The following AQR variants were observed in gnomAD, a reference collection of about 807,000 sequenced individuals.
AQR encodes RNA helicase aquarius.
In AQR, 61 loss-of-function variants were observed where a neutral mutation model predicts 180.5. The ratio of observed to expected loss-of-function variants is 0.34; its 90% CI spans 0.28 to 0.42. AQR has a LOEUF of 0.42. Among genes scored for constraint, AQR ranks in the 10% least tolerant of loss-of-function variants. The probability of loss-of-function intolerance (pLI) is 1.00; values close to 1 mark genes in which losing one functional copy is unlikely to be tolerated. For synonymous variants in AQR, 551 were observed against 588.8 expected, an observed-to-expected ratio of 0.94 and a Z score of 0.93; for missense variants, 1,281 against 1,798.3, an observed-to-expected ratio of 0.71 and a Z score of 5.20.
At chr15:34,968,875 T>C (rs1414716160) in intron 1 of AQR, among the ~76,000 whole-genome samples, 1 of 152,142 alleles carries the variant, frequency 6.6e-6, no homozygotes, top group Non-Finnish European at 1.5e-5. Flanking sequence ...AAGAAGCAGG[T>C]GGGCATGATA....
intron 6 of AQR, among the ~76,000 whole-genome samples, 164 bp from the exon 7 acceptor site, chr15:34,942,244 C>T (rs1894034361): frequency 6.6e-6 from 1 of 152,000 alleles, no homozygotes; most frequent in African/African-American, 2.4e-5. Context: ...TTAAAAAAGA[C>T]TCCATCCTTA....
chr15:34,905,184 C>G (rs1213977553), intron 18 of AQR, among the ~76,000 whole-genome samples: 1 of 151,832 alleles, frequency 6.6e-6, no homozygotes, highest in East Asian at 1.9e-4. Flanking sequence ...TTTTCCATTC[C>G]CTTCTCCTAT....
chr15:34,885,855 T>C (rs1209498219), intron 25 of AQR, among the ~76,000 whole-genome samples: 2 of 152,194 alleles, frequency 1.3e-5, no homozygotes, highest in Admixed American at 6.5e-5. Context: ...ATCTAAAATA[T>C]ACAATTGGCA....
chr15:34,954,432 A>G (rs1894277769), intron 3 of AQR, among the ~76,000 whole-genome samples: 1 of 152,088 alleles, frequency 6.6e-6, no homozygotes, highest in South Asian at 2.1e-4. Flanking sequence ...CAGCCTCTCA[A>G]GTAGCTGAGA....
At position 34,894,995 on chromosome 15, in the gene AQR, T is replaced by A. The variant is rs1230578098; in HGVS notation, c.2461-1222A>T. On this transcript the variant is annotated intron_variant, in intron 22 of 34. Coordinates refer to ENST00000156471, the MANE Select transcript of AQR (RefSeq NM_014691.3). ...GCCTGGCCAACACAGTGAAACCCAA[T>A]TCTCTACTAAAAATACAAAAATATC... 2.0e-5 allele frequency among the ~76,000 whole-genome samples: 3 copies of A among 149,758 alleles called. No individual in the cohort carries two copies. The East Asian group carries it at 5.9e-4, about 30-fold the overall frequency.
chr15:34,890,199 A>C lies in AQR; in HGVS notation c.2681+16T>G, dbSNP rs984714563. ...AAAATCCTTTTTTACACTGTTACTCACTCCCATTTGCTCACCTGCTGAAAT... is the reference window on the plus strand; with the variant it reads ...AAAATCCTTTTTTACACTGTTACTCCCTCCCATTTGCTCACCTGCTGAAAT... On this transcript the variant is annotated intron_variant, in intron 24 of 34. Transcript: ENST00000156471. The C allele has an allele frequency of 1.3e-6, 2 of 1,596,936 alleles. No individual in the cohort carries two copies.
chr15:34,867,445 G>A (rs905235325), intron 32 of AQR, 79 bp downstream of exon 32: 33 of 1,246,122 alleles, frequency 2.6e-5, no homozygotes, highest in Non-Finnish European at 3.6e-5. Flanking sequence ...AAAATATTTA[G>A]AACACTTAGC....
At chr15:34,958,293 C>T (rs1404016591) in intron 3 of AQR, among the ~76,000 whole-genome samples, 1 of 152,194 alleles carries the variant, frequency 6.6e-6, no homozygotes, top group East Asian at 1.9e-4. Context: ...AGTGGGCAGA[C>T]TGCTTGAGCT....
At chr15:34,896,106 A>T (rs1349152029) in intron 22 of AQR, among the ~76,000 whole-genome samples, 1 of 152,220 alleles carries the variant, frequency 6.6e-6, no homozygotes, top group Non-Finnish European at 1.5e-5. Context: ...CACACTTCTA[A>T]ATCAGTTGTC....
intron 26 of AQR, 121 bp downstream of exon 26, chr15:34,884,404 T>C: frequency 1.1e-6 from 1 of 913,520 alleles, no homozygotes; most frequent in Non-Finnish European, 1.6e-6. Context: ...AGACTCCGTC[T>C]CAAAAAAAAA....
chr15:34,958,231 G>C (rs1262128547), intron 3 of AQR, among the ~76,000 whole-genome samples: 2 of 151,946 alleles, frequency 1.3e-5, no homozygotes, highest in East Asian at 3.9e-4. Flanking sequence ...AATAACGGTA[G>C]GGGCTGGGTG....
intron 19 of AQR, among the ~76,000 whole-genome samples, chr15:34,903,347 G>T (rs1262366708): frequency 1.3e-5 from 2 of 152,034 alleles, no homozygotes; most frequent in African/African-American, 4.8e-5. Flanking sequence ...TTAAGTGGGG[G>T]TATCAAATCA....
At chr15:34,897,431 G>T in intron 21 of AQR, 128 bp downstream of exon 21, 1 of 1,077,116 alleles carries the variant, frequency 9.3e-7, no homozygotes, top group Non-Finnish European at 1.3e-6. Context: ...AGAATAGAAA[G>T]AAAGAGGGTT....
At chr15:34,941,567 T>C (rs1303465303) in intron 7 of AQR, among the ~76,000 whole-genome samples, 1 of 152,174 alleles carries the variant, frequency 6.6e-6, no homozygotes, top group Non-Finnish European at 1.5e-5. Flanking sequence ...AATCTGATAG[T>C]TTTAACTAAA....
rs1892568598 is a variant in AQR, at chr15:34,854,995, C to A, written c.*1797G>T. On this transcript the variant is annotated 3_prime_UTR_variant, in exon 35 of 35. Coordinates refer to ENST00000156471, the MANE Select transcript of AQR (RefSeq NM_014691.3). ...CGATTCCCCATACAGATGCCCACAGCACCTGCTTTCAAAATCTTTTATCGG... is the reference window on the plus strand; with the variant it reads ...CGATTCCCCATACAGATGCCCACAGAACCTGCTTTCAAAATCTTTTATCGG... The A allele has an allele frequency of 1.3e-5, 2 of 152,338 alleles. No homozygotes were observed. The highest frequency in any genetic ancestry group is 3.9e-4 in the East Asian group (2 of 5,184). The allele number at this position is 152,338 out of a possible 1,614,324, so 9.4% of individuals were successfully genotyped here.
At chr15:34,932,535 G>C in intron 10 of AQR, 101 bp from the exon 11 acceptor site, 1 of 837,870 alleles carries the variant, frequency 1.2e-6, no homozygotes, top group East Asian at 2.6e-5. Context: ...TCACATACAA[G>C]GTACCCTCCA....
At chr15:34,919,600 A>G (rs534732082) in intron 14 of AQR, among the ~76,000 whole-genome samples, 1 of 152,304 alleles carries the variant, frequency 6.6e-6, no homozygotes, top group African/African-American at 2.4e-5. Flanking sequence ...TTCCATTAGA[A>G]GAATTCCTGA....
intron 3 of AQR, 129 bp downstream of exon 3, chr15:34,960,645 G>A (rs2050271101): frequency 4.1e-6 from 2 of 490,902 alleles, no homozygotes; most frequent in African/African-American, 4.2e-5. Flanking sequence ...AGTTTTTCTA[G>A]TCACCATTGC....
In AQR at chr15:34,896,849, C is replaced by T. The variant is rs1187042952; in HGVS notation, c.2460+48G>A. On this transcript the variant is annotated intron_variant, in intron 22 of 34. Transcript: ENST00000156471. The stretch of plus-strand genomic sequence containing the variant: ...GGGCAACAAAAGTGAAACTCCATCT[C>T]AGAAAACAAACAAACAAACAAACAA... The T allele has an allele frequency of 4.6e-6, 7 of 1,511,560 alleles. No homozygotes were observed. The South Asian group carries it at 6.9e-5, about 15-fold the overall frequency. 93.6% of individuals were successfully genotyped at this position (1,511,560 alleles called of 1,614,324 possible).
Sources: gnomAD v4.1 joint callset for allele counts (sites outside exome capture counted in the v4.1 genomes callset) on GRCh38, gnomAD v4.1.1 for gene constraint, MANE v1.5 for transcripts, NCBI Gene and HGNC (gene_info 2026-07-23, HGNC 2026-07-21) for gene names.